CHIC1: variants seen among roughly 807,000 people sequenced by gnomAD.
CHIC1 encodes the protein cysteine-rich hydrophobic domain-containing protein 1.
Under a neutral mutation model 18.5 loss-of-function variants are expected in CHIC1, and 7 were observed. The ratio of observed to expected loss-of-function variants is 0.38; its 90% CI spans 0.22 to 0.71. The LOEUF (loss-of-function observed/expected upper bound fraction) is 0.71, where lower values mean the gene tolerates loss of function less well. CHIC1 is among the 30% of genes least tolerant of loss of function. CHIC1 has a pLI of 0.49. For synonymous variants in CHIC1, 77 were observed against 73.5 expected, an observed-to-expected ratio of 1.05 and a Z score of -0.25; for missense variants, 159 against 176.9, an observed-to-expected ratio of 0.90 and a Z score of 0.57.
At chrX:73,674,897 C>T (rs1429006599) in intron 3 of CHIC1, among the ~76,000 whole-genome samples, 5 of 111,820 alleles carry the variant, frequency 4.5e-5, no homozygotes, top group Non-Finnish European at 9.4e-5. Context: ...CCTCTACACA[C>T]TGCTTTGAAT....
intron 3 of CHIC1, among the ~76,000 whole-genome samples, chrX:73,628,846 G>A (rs1215152354): frequency 9.0e-6 from 1 of 111,053 alleles, no homozygotes; most frequent in Non-Finnish European, 1.9e-5. Flanking sequence ...GACGATTGGT[G>A]GAGCCTTCTA....
At chrX:73,598,308 T>G (rs180815884) in intron 3 of CHIC1, among the ~76,000 whole-genome samples, 5,292 of 99,749 alleles carry the variant, frequency 0.053, 321 homozygotes, top group African/African-American at 0.19. Context: ...GTATCTCATT[T>G]TGGTTTTGGT....
intron 3 of CHIC1, among the ~76,000 whole-genome samples, chrX:73,661,057 C>A (rs2057977637): frequency 9.0e-6 from 1 of 111,268 alleles, no homozygotes; most frequent in African/African-American, 3.3e-5. Context: ...TCTACTATGG[C>A]CTGTCCTTGG....
chrX:73,679,096 T>C (rs2058085335), intron 3 of CHIC1, among the ~76,000 whole-genome samples: 1 of 112,078 alleles, frequency 8.9e-6, no homozygotes, highest in Non-Finnish European at 1.9e-5. Flanking sequence ...AGAAAGCATA[T>C]ATAAAAATCT....
intron 3 of CHIC1, among the ~76,000 whole-genome samples, 154 bp from the exon 4 acceptor site, chrX:73,679,172 A>T (rs2058085710): frequency 8.9e-6 from 1 of 111,798 alleles, no homozygotes; most frequent in East Asian, 2.8e-4. Flanking sequence ...CCTTTTTAGC[A>T]TTTTCTGCCA....
At chrX:73,676,349 C>G (rs1357429575) in intron 3 of CHIC1, among the ~76,000 whole-genome samples, 1 of 112,087 alleles carries the variant, frequency 8.9e-6, no homozygotes, top group African/African-American at 3.2e-5. Flanking sequence ...ATCCATTCTC[C>G]CTGTCACTTT....
At chrX:73,581,118 A>C (rs925811922) in intron 2 of CHIC1, among the ~76,000 whole-genome samples, 2 of 110,603 alleles carry the variant, frequency 1.8e-5, no homozygotes, top group Non-Finnish European at 3.8e-5. Flanking sequence ...ACTAGTGTGC[A>C]GTGTTTGGGG....
intron 3 of CHIC1, among the ~76,000 whole-genome samples, chrX:73,673,407 T>A (rs369926452): frequency 1.8e-5 from 2 of 111,716 alleles, no homozygotes; most frequent in African/African-American, 6.5e-5. Flanking sequence ...ATTTGTTTGT[T>A]TCCTCTTTTA....
At chrX:73,630,644 A>C (rs1471361080) in intron 3 of CHIC1, among the ~76,000 whole-genome samples, 1 of 111,460 alleles carries the variant, frequency 9.0e-6, no homozygotes, top group Non-Finnish European at 1.9e-5. Context: ...GTTTGCTGAT[A>C]TTGTGTTCAA....
chrX:73,664,192 T>C (rs2057993779), intron 3 of CHIC1, among the ~76,000 whole-genome samples: 1 of 111,628 alleles, frequency 9.0e-6, no homozygotes, highest in Non-Finnish European at 1.9e-5. Flanking sequence ...TGATTACTTA[T>C]GGGGTTGCTG....
At chrX:73,641,486 C>T (rs982861741) in intron 3 of CHIC1, among the ~76,000 whole-genome samples, 1 of 110,821 alleles carries the variant, frequency 9.0e-6, no homozygotes, top group African/African-American at 3.3e-5. Flanking sequence ...ACCACCGTTC[C>T]ACTCTCTACT....
At chrX:73,605,477 A>G (rs185237802) in intron 3 of CHIC1, among the ~76,000 whole-genome samples, 2 of 108,181 alleles carry the variant, frequency 1.8e-5, no homozygotes, top group Non-Finnish European at 3.8e-5. Flanking sequence ...TAATTGAGCC[A>G]TTTAGCCCAT....
chrX:73,673,298 A>G (rs376920745), intron 3 of CHIC1, among the ~76,000 whole-genome samples: 1 of 111,573 alleles, frequency 9.0e-6, no homozygotes, highest in African/African-American at 3.3e-5. Context: ...GTCCTTGGTA[A>G]CTTGATGGGG....
intron 3 of CHIC1, among the ~76,000 whole-genome samples, chrX:73,592,124 G>T (rs1343633731): frequency 2.7e-5 from 3 of 110,348 alleles, no homozygotes; most frequent in African/African-American, 9.9e-5. Context: ...GTTTTTCTAG[G>T]TATAAAATAA....
chrX:73,649,147 C>T (rs934074842), intron 3 of CHIC1, among the ~76,000 whole-genome samples: 4 of 111,719 alleles, frequency 3.6e-5, no homozygotes, highest in African/African-American at 1.3e-4. Flanking sequence ...CAAGCAAATG[C>T]TAAGGGATTT....
At chrX:73,580,156 T>C (rs983917439) in intron 2 of CHIC1, among the ~76,000 whole-genome samples, 19 of 110,961 alleles carry the variant, frequency 1.7e-4, no homozygotes, top group Admixed American at 2.9e-4. Flanking sequence ...ACCTTCTCAT[T>C]TCTTTACAAG....
In CHIC1 at chrX:73,613,536, C is replaced by T. The variant is rs61439967; in HGVS notation, c.507+28964C>T. 6.4e-3 allele frequency among the ~76,000 whole-genome samples: 714 copies of T among 111,769 alleles called. 8 individuals are homozygous for T. The highest frequency in any genetic ancestry group is 0.022 in the African/African-American group (671 of 30,779). ...AGCAACCAGAAGCCCTCACCAAGAGCAGATACTACAGCCAGCATTTTTGTA... is the reference window on the plus strand; with the variant it reads ...AGCAACCAGAAGCCCTCACCAAGAGTAGATACTACAGCCAGCATTTTTGTA... On this transcript the variant is annotated intron_variant, in intron 3 of 5. Transcript: ENST00000373502.
chrX:73,588,855 C>G (rs2057566598), intron 3 of CHIC1, among the ~76,000 whole-genome samples: 2 of 110,312 alleles, frequency 1.8e-5, no homozygotes, highest in South Asian at 7.5e-4. Context: ...TTAGTATTCA[C>G]TTCTAATTTT....
rs761185234 is a variant in CHIC1, at chrX:73,642,482, T to C, written c.508-36844T>C. On this transcript the variant is annotated intron_variant, in intron 3 of 5. Coordinates refer to ENST00000373502, the MANE Select transcript of CHIC1 (RefSeq NM_001039840.4). ...CATTTTGTAGGTTGCCTGTTCACTC[T>C]GATGGTAGTTTCTTTTGCTGTGCAG... Among the ~76,000 whole-genome samples, 4 of 108,065 alleles carry C rather than the reference T, an allele frequency of 3.7e-5. No homozygotes were observed. In the East Asian group the frequency reaches 1.2e-3, roughly 32 times the overall value. 93.8% of individuals were successfully genotyped at this position (108,065 alleles called of 115,157 possible).
Sources: allele counts gnomAD v4.1 joint callset (sites outside exome capture counted in the v4.1 genomes callset), GRCh38; gene constraint gnomAD v4.1.1; transcripts MANE v1.5; gene names NCBI Gene and HGNC (gene_info 2026-07-23, HGNC 2026-07-21).